Variants in CYB561 observed in about 807,000 individuals in gnomAD.
CYB561 encodes the protein transmembrane ascorbate-dependent reductase CYB561.
In CYB561, 11 loss-of-function variants were observed where a neutral mutation model predicts 25.3. The ratio of observed to expected loss-of-function variants is 0.44; its 90% CI spans 0.27 to 0.72. The LOEUF (loss-of-function observed/expected upper bound fraction) is 0.72, where lower values mean the gene tolerates loss of function less well. Among genes scored for constraint, CYB561 ranks in the 30% least tolerant of loss-of-function variants. The pLI, the probability that CYB561 is intolerant of heterozygous loss-of-function variation, is 0.18. For synonymous variants in CYB561, 165 were observed against 158.8 expected, an observed-to-expected ratio of 1.04 and a Z score of -0.29; for missense variants, 295 against 334.9, an observed-to-expected ratio of 0.88 and a Z score of 0.93.
chr17:63,437,177 G>T, intron 2 of CYB561, 169 bp downstream of exon 2: 1 of 614,760 alleles, frequency 1.6e-6, no homozygotes, highest in South Asian at 2.0e-5. Context: ...CTCAGAGCCT[G>T]GGTTTGGATT....
In CYB561 at chr17:63,434,603, G is replaced by T; in HGVS notation, c.564-9C>A. 6.2e-7 allele frequency: 1 copy of T among 1,601,728 alleles called. No homozygotes were observed. On this transcript the variant is annotated splice_polypyrimidine_tract_variant and intron_variant, in intron 5 of 5. Coordinates refer to ENST00000360793, the MANE Select transcript of CYB561 (RefSeq NM_001915.4). Reference sequence around the variant, plus strand: ...ATGCGCTATACTTGCCCCTGCAGGGGTGAGAGGAAGGGAGAAGCTGCCCAA... The same window carrying T: ...ATGCGCTATACTTGCCCCTGCAGGGTTGAGAGGAAGGGAGAAGCTGCCCAA...
intron 4 of CYB561, 124 bp downstream of exon 4, chr17:63,435,564 G>C: frequency 1.2e-6 from 1 of 859,808 alleles, no homozygotes. Context: ...TGGGAAGGCA[G>C]CTCTCTCACC....
chr17:63,435,727 G>A lies in CYB561; in HGVS notation c.366C>T (p.Ser122=), dbSNP rs2049290707. ...KGYADLYSLH[S]WCGILVFVLY... is the part of the protein sequence containing the mutation. ...GGACAAAGACAAGGATCCCGCACCA[G>A]CTGTGTAGGCTGTACAGGTCAGCGT... The change falls in exon 4 of 6, where the codon AGC becomes AGT. Residue 122 remains serine, a synonymous_variant. Transcript: ENST00000360793. 3 of 1,614,142 alleles carry A rather than the reference G, an allele frequency of 1.9e-6. No homozygotes were observed. The African/African-American group carries it at 4.0e-5, about 22-fold the overall frequency.
chr17:63,443,030 G>C (rs1039781041), intron 1 of CYB561, among the ~76,000 whole-genome samples: 1 of 152,210 alleles, frequency 6.6e-6, no homozygotes, highest in African/African-American at 2.4e-5. Flanking sequence ...AGTTTGAATT[G>C]AGTTAGGAAA....
chr17:63,437,606 AGATGCGCACAGCCCCCGCG>A (rs773094553), intron 1 of CYB561, 46 bp from the exon 2 acceptor site: 683 of 1,495,842 alleles, frequency 4.6e-4, no homozygotes, highest in Non-Finnish European at 5.7e-4. Flanking sequence ...CAGCACCCCG[AGATGCGCACAGCCCCCGCG>A]GATGCACACA....
intron 1 of CYB561, 145 bp from the exon 2 acceptor site, chr17:63,437,705 GA>G: frequency 1.8e-6 from 1 of 571,346 alleles, no homozygotes; most frequent in Non-Finnish European, 3.0e-6. Flanking sequence ...CGCCCCCGGA[GA>G]TAAGCACGGT....
chr17:63,437,657 C>T, intron 1 of CYB561, 97 bp from the exon 2 acceptor site: 2 of 827,412 alleles, frequency 2.4e-6, no homozygotes, highest in Non-Finnish European at 3.4e-6. Context: ...TGCGCACAGG[C>T]CCCCCGAGAT....
chr17:63,437,460 T>C lies in CYB561; in HGVS notation c.88A>G (p.Met30Val). ...TACAGCCCGAGCCACGCGCCGGTCA[T>C]GGCCACCAAGGTCAGGCCCAGCAGC... is the stretch of plus-strand genomic sequence containing the variant. ...SQLLGLTLVA[M>V]TGAWLGLYRG... The change falls in exon 2 of 6, where the codon ATG (methionine) becomes GTG (valine). Residue 30 changes from methionine to valine, a missense_variant. Transcript: ENST00000360793. The C allele has an allele frequency of 1.2e-6, 2 of 1,613,942 alleles. No individual in the cohort carries two copies. Among genetic ancestry groups the C allele is most frequent in the Non-Finnish European group, 1.7e-6 (2 of 1,179,968 alleles).
Position 63,437,377 on chromosome 17 carries a change from C to T in CYB561, c.171G>A (p.Met57Ile), listed in dbSNP as rs1415489539. Residue 57 changes from methionine (M) to isoleucine (I), a missense_variant, in exon 2 of 6, where the codon ATG (methionine) becomes ATA (isoleucine). Physicochemically the swap from Met to Ile is conservative, Grantham distance 10 (BLOSUM62 1). Transcript: ENST00000360793. ...DLQFNAHPLC[M>I]VIGLIFLQGN... ...CCTGCAGGAAGATCAGGCCTATGAC[C>T]ATGCAGAGGGGGTGCGCGTTGAACT... The T allele has an allele frequency of 6.2e-7, 1 of 1,613,974 alleles. No individual in the cohort carries two copies. Among genetic ancestry groups the T allele is most frequent in the Admixed American group, 1.7e-5 (1 of 60,008 alleles).
Position 63,433,436 on chromosome 17 carries a change from T to G in CYB561, c.*966A>C, listed in dbSNP as rs989272695. ...ACTTCCTGGAAAGATGGGCAGCAGA[T>G]AAGGAGAAGGCTCGTCCTCCAGAAC... On this transcript the variant is annotated 3_prime_UTR_variant, in exon 6 of 6. Transcript: ENST00000360793. 1 of 398,698 alleles carries G rather than the reference T, an allele frequency of 2.5e-6. No homozygotes were observed. The highest frequency in any genetic ancestry group is 4.4e-5 in the Admixed American group (1 of 22,712). 24.7% of individuals were successfully genotyped at this position (398,698 alleles called of 1,614,324 possible).
At position 63,436,082 on chromosome 17, in the gene CYB561, G is replaced by A; in HGVS notation, c.273C>T (p.His91=). The A allele has an allele frequency of 6.2e-7, 1 of 1,614,248 alleles. No homozygotes were observed. The highest frequency in any genetic ancestry group is 1.1e-5 in the South Asian group (1 of 91,092). ...RTTKVLHGLL[H]IFALVIALVG... ...CCAGGGCGATGACGAGCGCAAAGAT[G>A]TGCAGCAGCCCGTGCAGGACCTTGG... is the stretch of plus-strand genomic sequence containing the variant. The change falls in exon 3 of 6, where the codon CAC becomes CAT. Residue 91 remains histidine (H), a synonymous_variant. Coordinates refer to ENST00000360793, the MANE Select transcript of CYB561 (RefSeq NM_001915.4). This position sits in a 1 kb window ranked among gnomAD's most constrained non-coding sequence, Gnocchi z 4.8.
intron 1 of CYB561, among the ~76,000 whole-genome samples, chr17:63,443,272 C>G (rs747443041): frequency 1.1e-4 from 17 of 152,138 alleles, no homozygotes; most frequent in Non-Finnish European, 1.5e-4. Context: ...CAGCATGGCA[C>G]TAAGCCCTGG....
chr17:63,437,263 C>T, intron 2 of CYB561, 83 bp downstream of exon 2: 2 of 1,067,338 alleles, frequency 1.9e-6, no homozygotes, highest in Non-Finnish European at 2.8e-6. Context: ...CAGAAGAGAC[C>T]GCAGGGGTGA....
rs2049233624 is a variant in CYB561 at position 63,432,422 on chromosome 17, C to T, written c.*1980G>A. On this transcript the variant is annotated 3_prime_UTR_variant, in exon 6 of 6. Transcript: ENST00000360793. ...CAAATCCGCTTCTGGGGGCCTTCTTCAGCTCCTTAGTCATCCAGTGTTCAC... is the reference window on the plus strand; with the variant it reads ...CAAATCCGCTTCTGGGGGCCTTCTTTAGCTCCTTAGTCATCCAGTGTTCAC... 6.6e-6 allele frequency: 1 copy of T among 152,256 alleles called. No homozygotes were observed. Among genetic ancestry groups the T allele is most frequent in the Admixed American group, 6.5e-5 (1 of 15,290 alleles). 9.4% of individuals were successfully genotyped at this position (152,256 alleles called of 1,614,324 possible).
At chr17:63,443,197 A>C (rs1471529232) in intron 1 of CYB561, among the ~76,000 whole-genome samples, 1 of 152,160 alleles carries the variant, frequency 6.6e-6, no homozygotes, top group Non-Finnish European at 1.5e-5. Flanking sequence ...CCCAGGAAGA[A>C]GGGGCTTCCC....
chr17:63,438,119 G>A (rs1159391305), intron 1 of CYB561: 3 of 1,534,702 alleles, frequency 2.0e-6, no homozygotes, highest in Non-Finnish European at 2.6e-6. Flanking sequence ...GGACAGGCGT[G>A]ACCTGGGACA....
At chr17:63,437,974 C>CCCCCCCCCCCCCCCCG (rs1599118679) in intron 1 of CYB561, 68 of 652,530 alleles carry the variant, frequency 1.0e-4, no homozygotes, top group South Asian at 4.2e-4. Flanking sequence ...ACGGCGGCCC[C>CCCCCCCCCCCCCCCCG]GCCACCCTCC....
intron 1 of CYB561, among the ~76,000 whole-genome samples, chr17:63,445,140 A>C (rs930880699): frequency 1.3e-5 from 2 of 152,036 alleles, no homozygotes; most frequent in African/African-American, 4.8e-5. Flanking sequence ...TGCCCTCTGC[A>C]CTCCAGCCTC....
At chr17:63,435,507 G>A in intron 4 of CYB561, 181 bp downstream of exon 4, 1 of 698,398 alleles carries the variant, frequency 1.4e-6, no homozygotes, top group Admixed American at 2.6e-5. Context: ...GCGCCTGGGA[G>A]CTGGGCACCC....
Sources: gnomAD v4.1 joint callset for allele counts (sites outside exome capture counted in the v4.1 genomes callset) on GRCh38, gnomAD v4.1.1 for gene constraint, Gnocchi (gnomAD v3.1) non-coding constraint, MANE v1.5 for transcripts, NCBI Gene and HGNC (gene_info 2026-07-23, HGNC 2026-07-21) for gene names.